The following ERC2 variants were observed in gnomAD, a reference collection of about 807,000 sequenced individuals.
ERC2 encodes ERC protein 2.
In ERC2, 42 loss-of-function variants were observed where a neutral mutation model predicts 114.8. The ratio of observed to expected loss-of-function variants is 0.37; its 90% CI spans 0.29 to 0.47. The LOEUF is 0.47. Among genes scored for constraint, ERC2 ranks in the 20% least tolerant of loss-of-function variants. The probability of loss-of-function intolerance (pLI) is 0.99; values close to 1 mark genes in which losing one functional copy is unlikely to be tolerated. For synonymous variants in ERC2, 454 were observed against 425.5 expected (o/e 1.07, Z -0.82); for missense variants, 939 against 1,150.7 (o/e 0.82, Z 2.66).
chr3:55,995,057 G>T (rs190136201), intron 10 of ERC2, among the ~76,000 whole-genome samples: 1 of 152,228 alleles, frequency 6.6e-6, no homozygotes, highest in African/African-American at 2.4e-5. Context: ...AACCTCGGCC[G>T]GGTGCGGTGG....
chr3:56,384,693 T>G (rs1351180908), intron 2 of ERC2, among the ~76,000 whole-genome samples: 1 of 152,176 alleles, frequency 6.6e-6, no homozygotes, highest in Non-Finnish European at 1.5e-5. Flanking sequence ...TGTATGATTT[T>G]AAATTTTGAT....
At chr3:56,246,905 A>G (rs138650433) in intron 3 of ERC2, among the ~76,000 whole-genome samples, 117 of 152,350 alleles carry the variant, frequency 7.7e-4, no homozygotes, top group African/African-American at 2.7e-3. Context: ...CTCGGCATGG[A>G]TGGATCCCAT....
At chr3:56,310,631 G>A (rs751649237) in intron 2 of ERC2, among the ~76,000 whole-genome samples, 1 of 152,098 alleles carries the variant, frequency 6.6e-6, no homozygotes, top group Non-Finnish European at 1.5e-5. Context: ...TTAAAGAGGA[G>A]AGATTTTCCC....
chr3:55,610,060 CAAACAA>C (rs2058826344), intron 17 of ERC2, among the ~76,000 whole-genome samples: 5 of 50,434 alleles, frequency 9.9e-5, no homozygotes, highest in Non-Finnish European at 1.9e-4. Context: ...CAAACAAACA[CAAACAA>C]AAAAAAAAAA....
At chr3:55,644,427 C>T (rs937650463) in intron 17 of ERC2, among the ~76,000 whole-genome samples, 3 of 152,082 alleles carry the variant, frequency 2.0e-5, no homozygotes, top group Non-Finnish European at 4.4e-5. Flanking sequence ...AAAGTGTGGA[C>T]GTAAGCCTTA....
intron 17 of ERC2, among the ~76,000 whole-genome samples, chr3:55,567,020 G>A (rs1049775373): frequency 6.6e-6 from 1 of 150,604 alleles, no homozygotes; most frequent in Admixed American, 6.6e-5. Context: ...TTTTCAAAAT[G>A]TATATATATA....
intron 2 of ERC2, among the ~76,000 whole-genome samples, chr3:56,309,966 A>AT (rs1467483722): frequency 6.6e-6 from 1 of 152,210 alleles, no homozygotes; most frequent in Admixed American, 6.5e-5. Flanking sequence ...GCGCTTTGGC[A>AT]TTTTTTTAAA....
intron 14 of ERC2, among the ~76,000 whole-genome samples, chr3:55,819,951 T>A (rs937494321): frequency 6.6e-6 from 1 of 152,082 alleles, no homozygotes; most frequent in African/African-American, 2.4e-5. Context: ...TGGAGGGGGG[T>A]TCCCAATTAG....
At chr3:55,534,628 C>T (rs777883855) in intron 17 of ERC2, among the ~76,000 whole-genome samples, 1 of 151,904 alleles carries the variant, frequency 6.6e-6, no homozygotes, top group Non-Finnish European at 1.5e-5. Context: ...CCTGGGAAGT[C>T]GAGGCTGCAG....
chr3:55,631,232 T>C (rs560928218), intron 17 of ERC2, among the ~76,000 whole-genome samples: 7 of 152,316 alleles, frequency 4.6e-5, no homozygotes, highest in East Asian at 1.9e-4. Flanking sequence ...GAATGTTTAA[T>C]TGAGTTCTGG....
At chr3:56,399,699 T>C (rs1314216276) in intron 2 of ERC2, among the ~76,000 whole-genome samples, 6 of 152,140 alleles carry the variant, frequency 3.9e-5, no homozygotes. Flanking sequence ...ATAATGTATA[T>C]TATTTCCCTA....
intron 17 of ERC2, among the ~76,000 whole-genome samples, chr3:55,604,217 G>C (rs1369512138): frequency 1.3e-5 from 2 of 152,118 alleles, no homozygotes; most frequent in Non-Finnish European, 2.9e-5. Context: ...TGTGAAGTCA[G>C]TGTGTGAGGG....
At chr3:56,092,887 A>G (rs1192016400) in intron 6 of ERC2, among the ~76,000 whole-genome samples, 1 of 152,226 alleles carries the variant, frequency 6.6e-6, no homozygotes, top group Admixed American at 6.5e-5. Context: ...TTAACATAAA[A>G]TTTTAAAATA....
chr3:56,330,258 C>T (rs1207316709), intron 2 of ERC2, among the ~76,000 whole-genome samples: 1 of 152,096 alleles, frequency 6.6e-6, no homozygotes, highest in African/African-American at 2.4e-5. Context: ...ACACTGGTCT[C>T]GAATTCCTGG....
chr3:55,924,759 A>G (rs575459837), intron 13 of ERC2, among the ~76,000 whole-genome samples: 2 of 152,290 alleles, frequency 1.3e-5, no homozygotes, highest in African/African-American at 4.8e-5. Flanking sequence ...AACCTGAAAG[A>G]TGGATCAGCA....
At chr3:56,419,957 G>A (rs940625902) in intron 2 of ERC2, among the ~76,000 whole-genome samples, 1 of 152,152 alleles carries the variant, frequency 6.6e-6, no homozygotes, top group African/African-American at 2.4e-5. Context: ...ATTTAAGCAA[G>A]TTCTAAATCT....
intron 2 of ERC2, among the ~76,000 whole-genome samples, chr3:56,351,401 G>A (rs1349470928): frequency 1.3e-5 from 2 of 151,972 alleles, no homozygotes; most frequent in African/African-American, 4.8e-5. Flanking sequence ...TCAGCAAAGG[G>A]AAAATCTCTG....
chr3:55,572,782 T>C (rs990657493), intron 17 of ERC2, among the ~76,000 whole-genome samples: 1 of 152,238 alleles, frequency 6.6e-6, no homozygotes, highest in Admixed American at 6.5e-5. Flanking sequence ...TTTAAAAGCC[T>C]TAGCTGGTGA....
At chr3:56,028,990 T>G (rs939562691) in intron 7 of ERC2, among the ~76,000 whole-genome samples, 1 of 152,106 alleles carries the variant, frequency 6.6e-6, no homozygotes, top group Non-Finnish European at 1.5e-5. Context: ...TGCTCCTAAC[T>G]TACTAAGAGT....
Sources: gnomAD v4.1 joint callset for allele counts (sites outside exome capture counted in the v4.1 genomes callset) on GRCh38, gnomAD v4.1.1 for gene constraint, MANE v1.5 for transcripts, NCBI Gene and HGNC (gene_info 2026-07-23, HGNC 2026-07-21) for gene names.